Variants in DNAH5 observed in about 807,000 individuals in gnomAD.
DNAH5 encodes the protein dynein axonemal heavy chain 5.
A neutral mutation model predicts 518.2 loss-of-function variants in DNAH5; 372 were observed. That is an observed-to-expected ratio of 0.72 (90% CI 0.66 to 0.78). The LOEUF is 0.78. Among genes scored for constraint, DNAH5 ranks in the 30% least tolerant of loss-of-function variants. DNAH5 has a pLI of 0.00. For synonymous variants in DNAH5, 2,039 were observed against 2,025.9 expected (o/e 1.01, Z -0.17); for missense variants, 5,523 against 5,687.0 (o/e 0.97, Z 0.93).
chr5:13,900,750 T>C (rs2151961992), intron 14 of DNAH5: 1 of 348,784 alleles, frequency 2.9e-6, no homozygotes, highest in South Asian at 3.2e-5. Context: ...AATAAAAGTT[T>C]CGTAAGACCT....
At position 13,792,140 on chromosome 5, in the gene DNAH5, G is replaced by T. The variant is rs749258820; in HGVS notation, c.8302C>A (p.Pro2768Thr). The change falls in exon 50 of 79, where the codon CCT becomes ACT. Residue 2768 changes from proline (P) to threonine (T), a missense_variant. By Grantham distance (38) the Pro-to-Thr change is conservative. Transcript: ENST00000265104. The part of the protein sequence containing the change: ...EVRDSVTKLV[P>T]LTRRLWQMTK... ...ATCTGCCATAGTCGGCGTGTCAGAG[G>T]CACCAATTTTGTCACAGAATCTCTC... The T allele has an allele frequency of 1.9e-6, 3 of 1,613,908 alleles. No individual in the cohort carries two copies. In the Admixed American group the frequency reaches 5.0e-5, roughly 27 times the overall value.
chr5:13,801,582 C>G (rs900703160), intron 47 of DNAH5, among the ~76,000 whole-genome samples: 1 of 152,200 alleles, frequency 6.6e-6, no homozygotes, highest in East Asian at 1.9e-4. Flanking sequence ...TCCAGCCCAA[C>G]CTCCCTCCTG....
chr5:13,930,211 G>A (rs1317617970), intron 2 of DNAH5, among the ~76,000 whole-genome samples: 2 of 152,148 alleles, frequency 1.3e-5, no homozygotes, highest in African/African-American at 4.8e-5. Context: ...CCAGTGGTGT[G>A]CCACAGATGG....
At position 13,867,876 on chromosome 5, in the gene DNAH5, C is replaced by G. The variant is rs1392900027; in HGVS notation, c.3951G>C (p.Gln1317His). The stretch of plus-strand genomic sequence containing the variant: ...TGGGCTGCAGTGAGACTAATTTATT[C>G]TGGACTTCGCCAGCACGTGCCAGCA... ...EKLLARAGEV[Q>H]NKLVSLQPSF... The change falls in exon 25 of 79, where the codon CAG becomes CAC. Residue 1317 changes from glutamine to histidine, a missense_variant. By Grantham distance (24) the Gln-to-His change is conservative. Coordinates refer to ENST00000265104, the MANE Select transcript of DNAH5 (RefSeq NM_001369.3). The G allele has an allele frequency of 1.2e-6, 2 of 1,613,964 alleles. No individual in the cohort carries two copies. The highest frequency in any genetic ancestry group is 1.3e-5 in the African/African-American group (1 of 74,924).
intron 70 of DNAH5, among the ~76,000 whole-genome samples, chr5:13,723,457 C>A (rs998109884): frequency 1.3e-5 from 2 of 152,206 alleles, no homozygotes; most frequent in African/African-American, 4.8e-5. Flanking sequence ...GCAAGGGGCT[C>A]AACATGGCCA....
intron 1 of DNAH5, among the ~76,000 whole-genome samples, chr5:14,000,635 C>CAAAAAA (rs111658670): frequency 7.9e-6 from 1 of 126,230 alleles, no homozygotes; most frequent in African/African-American, 3.1e-5. Context: ...GTTAAAAAGC[C>CAAAAAA]AAAAAAAAAA....
intron 1 of DNAH5, among the ~76,000 whole-genome samples, chr5:13,957,835 G>A (rs1288337970): frequency 4.0e-5 from 6 of 151,120 alleles, no homozygotes; most frequent in Admixed American, 1.3e-4. Flanking sequence ...TTATTATTAT[G>A]AAAATAATAA....
intron 49 of DNAH5, 67 bp from the exon 50 acceptor site, chr5:13,792,284 T>G: frequency 7.1e-7 from 1 of 1,410,094 alleles, no homozygotes; most frequent in South Asian, 1.2e-5. Context: ...ATGAAAAGCA[T>G]TATAGCATAG....
chr5:14,009,957 A>G (rs1050429104), intron 1 of DNAH5, among the ~76,000 whole-genome samples: 2 of 152,206 alleles, frequency 1.3e-5, no homozygotes, highest in African/African-American at 2.4e-5. Flanking sequence ...CTGTATATTC[A>G]TTATAGAAAT....
chr5:13,917,634 T>C (rs1776788008), intron 7 of DNAH5, among the ~76,000 whole-genome samples: 1 of 152,228 alleles, frequency 6.6e-6, no homozygotes, highest in Admixed American at 6.5e-5. Flanking sequence ...TATATCCCTA[T>C]ACATTTATCC....
At chr5:13,855,584 C>T (rs1424957198) in intron 30 of DNAH5, among the ~76,000 whole-genome samples, 1 of 152,128 alleles carries the variant, frequency 6.6e-6, no homozygotes, top group African/African-American at 2.4e-5. Flanking sequence ...TTAGTCAGAT[C>T]AATGTGACAG....
At chr5:13,724,572 A>G (rs955848413) in intron 70 of DNAH5, among the ~76,000 whole-genome samples, 2 of 152,138 alleles carry the variant, frequency 1.3e-5, no homozygotes, top group Admixed American at 1.3e-4. Flanking sequence ...TTGAGGGGCC[A>G]TGGGAGGAAT....
rs1740632507 is a variant in DNAH5, at chr5:13,690,873, A to AT, written c.*1110dup. The AT allele has an allele frequency of 6.6e-6, 1 of 152,010 alleles. No individual in the cohort carries two copies. Among genetic ancestry groups the AT allele is most frequent in the African/African-American group, 2.4e-5 (1 of 41,474 alleles). The allele number at this position is 152,010 out of a possible 1,614,324, so 9.4% of individuals were successfully genotyped here. ...TTTTATTTTTTCTCCTGATCATCAC[A>AT]TTTTTTCAAGCCAACTATAATTCTT... On this transcript the variant is annotated 3_prime_UTR_variant, in exon 79 of 79. Coordinates refer to ENST00000265104, the MANE Select transcript of DNAH5 (RefSeq NM_001369.3).
rs1777163648 is a variant in DNAH5 at position 13,920,729 on chromosome 5, AG to A, written c.661-113del. 6.0e-6 allele frequency: 7 copies of A among 1,168,264 alleles called. No individual in the cohort carries two copies. In the South Asian group the frequency reaches 8.9e-5, roughly 15 times the overall value. 72.4% of individuals were successfully genotyped at this position (1,168,264 alleles called of 1,614,324 possible). On this transcript the variant is annotated intron_variant, in intron 5 of 78. Coordinates refer to ENST00000265104, the MANE Select transcript of DNAH5 (RefSeq NM_001369.3). Reference sequence around the variant, plus strand: ...CTGACAGCGCTCTGGAAAGCCCACCAGGTAGCACATACCTCCTCTCCACTCC... The same window carrying A: ...CTGACAGCGCTCTGGAAAGCCCACCAGTAGCACATACCTCCTCTCCACTCC...
intron 15 of DNAH5, among the ~76,000 whole-genome samples, chr5:13,897,098 G>A (rs1004449330): frequency 1.3e-5 from 2 of 152,214 alleles, no homozygotes; most frequent in East Asian, 3.9e-4. Flanking sequence ...GAAGTAAGAA[G>A]CCTTGCAAGG....
intron 10 of DNAH5, among the ~76,000 whole-genome samples, 200 bp from the exon 11 acceptor site, chr5:13,914,158 T>G (rs1307626137): frequency 6.6e-6 from 1 of 152,120 alleles, no homozygotes; most frequent in Non-Finnish European, 1.5e-5. Flanking sequence ...CTAATCGGGT[T>G]ACTCACGATG....
At chr5:13,692,650 A>G (rs1424279653) in intron 78 of DNAH5, among the ~76,000 whole-genome samples, 12 of 152,164 alleles carry the variant, frequency 7.9e-5, no homozygotes, top group Non-Finnish European at 1.8e-4. Context: ...AATTCTCCAT[A>G]TATGTAGAGA....
chr5:13,877,807 C>G (rs1038768216), intron 21 of DNAH5, among the ~76,000 whole-genome samples: 14 of 152,200 alleles, frequency 9.2e-5, no homozygotes, highest in African/African-American at 3.4e-4. Flanking sequence ...TTCACCAATT[C>G]TGAGAGTGGA....
chr5:13,883,062 T>G lies in DNAH5; in HGVS notation c.3016A>C (p.Ser1006Arg), dbSNP rs16902886. The change falls in exon 20 of 79, where the codon AGT (serine) becomes CGT (arginine). Residue 1006 changes from serine to arginine, a missense_variant. This residue lies in a region of DNAH5 where 5,121 missense variants were observed against 5,223.3 expected (regional missense o/e 0.98). Transcript: ENST00000265104. Reference protein sequence around the residue: ...SNSASNMKQNSLPIFRASVTL... With the variant: ...SNSASNMKQNRLPIFRASVTL... ...ACGCTTGCCCGGAAAATGGGCAAAC[T>G]GTTCTGCTTCATGTTAGAGGCACTG... is the stretch of plus-strand genomic sequence containing the variant. 3 of 1,614,134 alleles carry G rather than the reference T, an allele frequency of 1.9e-6. No individual in the cohort carries two copies. Among genetic ancestry groups the G allele is most frequent in the East Asian group, 4.5e-5 (2 of 44,886 alleles).
Sources: allele counts gnomAD v4.1 joint callset (sites outside exome capture counted in the v4.1 genomes callset), GRCh38; gene constraint gnomAD v4.1.1; regional missense constraint gnomAD v4.1.1; transcripts MANE v1.5; gene names NCBI Gene and HGNC (gene_info 2026-07-23, HGNC 2026-07-21).